Variants in FRMD3 observed in about 807,000 individuals in gnomAD.
FRMD3 encodes FERM domain-containing protein 3.
Under a neutral mutation model 70.2 loss-of-function variants are expected in FRMD3, and 33 were observed. The ratio of observed to expected loss-of-function variants is 0.47; its 90% CI spans 0.36 to 0.63. The LOEUF (loss-of-function observed/expected upper bound fraction) is 0.63. Among genes scored for constraint, FRMD3 ranks in the 20% least tolerant of loss-of-function variants. FRMD3 has a pLI of 0.00. For synonymous variants in FRMD3, 279 were observed against 255.9 expected (o/e 1.09, Z -0.86); for missense variants, 632 against 711.4 (o/e 0.89, Z 1.27).
intron 13 of FRMD3, among the ~76,000 whole-genome samples, chr9:83,287,995 C>T (rs773840994): frequency 1.3e-5 from 2 of 152,156 alleles, no homozygotes; most frequent in Non-Finnish European, 2.9e-5. Context: ...ACAATTGTTG[C>T]ATTAAGGAAT....
At chr9:83,356,818 C>T (rs1824360312) in intron 3 of FRMD3, among the ~76,000 whole-genome samples, 1 of 151,784 alleles carries the variant, frequency 6.6e-6, no homozygotes, top group Non-Finnish European at 1.5e-5. Context: ...GTGGTGATTT[C>T]TGGGATTTGG....
intron 2 of FRMD3, among the ~76,000 whole-genome samples, chr9:83,381,639 G>A (rs1466306190): frequency 6.6e-6 from 1 of 152,024 alleles, no homozygotes; most frequent in Non-Finnish European, 1.5e-5. Flanking sequence ...TTGTATTCTA[G>A]GGTCTCAGGG....
chr9:83,378,018 G>A (rs1465281624), intron 2 of FRMD3, among the ~76,000 whole-genome samples: 1 of 152,156 alleles, frequency 6.6e-6, no homozygotes, highest in Non-Finnish European at 1.5e-5. Context: ...AGCAGGCCTA[G>A]ATTCAAATCC....
At chr9:83,452,640 C>G (rs1459706920) in intron 1 of FRMD3, among the ~76,000 whole-genome samples, 1 of 151,786 alleles carries the variant, frequency 6.6e-6, no homozygotes. Flanking sequence ...CACCACCGCA[C>G]CCAGCTAATT....
chr9:83,324,108 A>G (rs1835917916), intron 6 of FRMD3, among the ~76,000 whole-genome samples: 1 of 152,250 alleles, frequency 6.6e-6, no homozygotes, highest in Admixed American at 6.5e-5. Flanking sequence ...TTAATTACAC[A>G]GAAGTGAAAA....
intron 1 of FRMD3, among the ~76,000 whole-genome samples, chr9:83,496,516 C>T (rs1278187700): frequency 6.6e-6 from 1 of 152,154 alleles, no homozygotes; most frequent in African/African-American, 2.4e-5. Flanking sequence ...CACTCTTAGA[C>T]CCTATCTCAG....
At position 83,245,086 on chromosome 9, in the gene FRMD3, A is replaced by G; in HGVS notation, c.*2832T>C. 1.0e-6 allele frequency: 1 copy of G among 985,348 alleles called. No homozygotes were observed. Among genetic ancestry groups the G allele is most frequent in the Non-Finnish European group, 1.2e-6 (1 of 829,884 alleles). 61.0% of individuals were successfully genotyped at this position (985,348 alleles called of 1,614,324 possible). On this transcript the variant is annotated 3_prime_UTR_variant, in exon 14 of 14. Transcript: ENST00000304195. ...TTACCCACCATAGTATCTGAGAGGG[A>G]GAAGAACCAATAATACATCTCAAAT...
At chr9:83,509,943 A>G (rs113474185) in intron 1 of FRMD3, among the ~76,000 whole-genome samples, 2,067 of 152,280 alleles carry the variant, frequency 0.014, 57 homozygotes, top group African/African-American at 0.048. Context: ...CATGACTTAG[A>G]TTGTAAATAT....
At chr9:83,500,502 G>GCGCACACACACACACA (rs1367435493) in intron 1 of FRMD3, among the ~76,000 whole-genome samples, 2 of 143,714 alleles carry the variant, frequency 1.4e-5, no homozygotes, top group African/African-American at 5.1e-5. Context: ...GTGTATGCGC[G>GCGCACACACACACACA]CACACACACA....
intron 4 of FRMD3, among the ~76,000 whole-genome samples, chr9:83,343,780 G>A (rs548748708): frequency 7.1e-4 from 108 of 152,328 alleles, no homozygotes; most frequent in Non-Finnish European, 1.3e-3. Context: ...GTCATTATGA[G>A]GCCAGAAAGG....
chr9:83,307,452 A>G (rs1423425902), intron 10 of FRMD3, among the ~76,000 whole-genome samples: 1 of 152,266 alleles, frequency 6.6e-6, no homozygotes, highest in East Asian at 1.9e-4. Flanking sequence ...AATGTGGTCT[A>G]TTGAAACAAT....
At chr9:83,352,739 T>G (rs1824202309) in intron 3 of FRMD3, among the ~76,000 whole-genome samples, 2 of 152,210 alleles carry the variant, frequency 1.3e-5, no homozygotes, top group Non-Finnish European at 1.5e-5. Flanking sequence ...TTGTCTGCTC[T>G]ATGCTTCCTC....
rs1158052803 is a variant in FRMD3 at position 83,311,794 on chromosome 9, A to C, written c.773+93T>G. 8.1e-6 allele frequency: 7 copies of C among 865,860 alleles called. No individual in the cohort carries two copies. The Admixed American group carries it at 1.0e-4, about 13-fold the overall frequency. The allele number at this position is 865,860 out of a possible 1,614,324, so 53.6% of individuals were successfully genotyped here. On this transcript the variant is annotated intron_variant, in intron 8 of 13. Coordinates refer to ENST00000304195, the MANE Select transcript of FRMD3 (RefSeq NM_174938.6). ...CAAGGCAAGGAAATGGATACCAGGC[A>C]TTCTACCTGACACTTGCCCGAGAAG... is the stretch of plus-strand genomic sequence containing the variant.
the FRMD3 span, among the ~76,000 whole-genome samples, chr9:83,569,940 A>G: frequency 3.3e-5 from 5 of 152,304 alleles, no homozygotes; most frequent in Admixed American, 3.3e-4. Context: ...AAGGCATTTC[A>G]GCACAGAAAC....
downstream of FRMD3, among the ~76,000 whole-genome samples, chr9:83,244,212 A>G (rs1203542265): frequency 6.6e-6 from 1 of 151,974 alleles, no homozygotes; most frequent in Non-Finnish European, 1.5e-5. Context: ...AGTGTCACAG[A>G]GTTGAGTCTC....
At chr9:83,435,480 C>G (rs1288231220) in intron 1 of FRMD3, among the ~76,000 whole-genome samples, 1 of 152,132 alleles carries the variant, frequency 6.6e-6, no homozygotes, top group Admixed American at 6.5e-5. Context: ...AGGGCATCAT[C>G]TGGAGTGGCA....
intron 6 of FRMD3, among the ~76,000 whole-genome samples, chr9:83,331,698 A>G (rs1587733856): frequency 6.6e-6 from 1 of 152,146 alleles, no homozygotes; most frequent in Non-Finnish European, 1.5e-5. Context: ...AGGGGTATAG[A>G]GGAAATCTCT....
rs181577570 is a variant in FRMD3, at chr9:83,486,641, T to G, written c.147+51444A>C. On this transcript the variant is annotated intron_variant, in intron 1 of 13. Coordinates refer to ENST00000304195, the MANE Select transcript of FRMD3 (RefSeq NM_174938.6). ...TTATGGCTAAGTCCTCACAAGCAAT[T>G]GCAACAAAAACAAAAATTGACAAGG... Among the ~76,000 whole-genome samples, 1,074 of 152,246 alleles carry G rather than the reference T, an allele frequency of 7.1e-3. 11 individuals are homozygous for G. Among genetic ancestry groups the G allele is most frequent in the African/African-American group, 0.024 (1,015 of 41,544 alleles).
chr9:83,478,740 A>C (rs1035254763), intron 1 of FRMD3, among the ~76,000 whole-genome samples: 5 of 152,198 alleles, frequency 3.3e-5, no homozygotes, highest in Admixed American at 6.5e-5. Context: ...CAGTAAGTGG[A>C]AACAACACAA....
Sources: allele counts gnomAD v4.1 joint callset (sites outside exome capture counted in the v4.1 genomes callset), GRCh38; gene constraint gnomAD v4.1.1; transcripts MANE v1.5; gene names NCBI Gene and HGNC (gene_info 2026-07-23, HGNC 2026-07-21).